Variants in CLIP1 observed in about 807,000 individuals in gnomAD.
CLIP1 encodes CAP-Gly domain containing linker protein 1, also known as CAP-Gly domain-containing linker protein 1.
Under a neutral mutation model 161.6 loss-of-function variants are expected in CLIP1, and 66 were observed. The observed-to-expected ratio is 0.41, with a 90% confidence interval of 0.33 to 0.50. CLIP1 has a LOEUF of 0.50. CLIP1 is among the 20% of genes least tolerant of loss of function. The pLI is 0.27. For synonymous variants in CLIP1, 598 were observed against 626.2 expected, an observed-to-expected ratio of 0.96 and a Z score of 0.67; for missense variants, 1,376 against 1,702.0, an observed-to-expected ratio of 0.81 and a Z score of 3.37.
At chr12:122,406,719 G>T (rs899062859) in intron 1 of CLIP1, among the ~76,000 whole-genome samples, 1 of 152,104 alleles carries the variant, frequency 6.6e-6, no homozygotes, top group Non-Finnish European at 1.5e-5. Flanking sequence ...TGTACCTAGA[G>T]AAGTTTTAAA....
In CLIP1 at chr12:122,311,434, T is replaced by A. The variant is rs1411115091; in HGVS notation, c.3474-1552A>T. On this transcript the variant is annotated intron_variant, in intron 19 of 25. Transcript: ENST00000620786. This position sits in a 1 kb window ranked among gnomAD's most constrained non-coding sequence, Gnocchi z 4.3. ...ACAAAATTATTATTATTATTATTTTTTTTTTTTTGAGACAGAGTCTCGCTC... is the reference window on the plus strand; with the variant it reads ...ACAAAATTATTATTATTATTATTTTATTTTTTTTGAGACAGAGTCTCGCTC... Among the ~76,000 whole-genome samples, 1 of 151,766 alleles carries A rather than the reference T, an allele frequency of 6.6e-6. No homozygotes were observed. Among genetic ancestry groups the A allele is most frequent in the Non-Finnish European group, 1.5e-5 (1 of 67,952 alleles).
At chr12:122,387,565 TATATATATATATATATATATA>T (rs1566209119) in intron 1 of CLIP1, among the ~76,000 whole-genome samples, 13 of 10,822 alleles carry the variant, frequency 1.2e-3, no homozygotes, top group Non-Finnish European at 2.9e-3. Flanking sequence ...TATATATATA[TATATATATATATATATATATA>T]TATATTTTTT....
chr12:122,412,802 A>C (rs1189406240), intron 1 of CLIP1, among the ~76,000 whole-genome samples: 1 of 152,210 alleles, frequency 6.6e-6, no homozygotes, highest in Non-Finnish European at 1.5e-5. Flanking sequence ...TATTTTAAGA[A>C]GAGAACATTA....
chr12:122,310,974 T>A (rs1239462428), intron 19 of CLIP1, among the ~76,000 whole-genome samples: 7 of 152,148 alleles, frequency 4.6e-5, no homozygotes, highest in Non-Finnish European at 1.0e-4. Flanking sequence ...ACACAAAAAT[T>A]CTCTTAGCAC....
chr12:122,373,906 T>C (rs1183117842), intron 3 of CLIP1, among the ~76,000 whole-genome samples: 3 of 152,124 alleles, frequency 2.0e-5, no homozygotes, highest in Admixed American at 1.3e-4. Flanking sequence ...ACAAAAATAA[T>C]GTTCAGCAAA....
chr12:122,344,310 T>A (rs796146739), intron 10 of CLIP1, among the ~76,000 whole-genome samples: 7 of 152,274 alleles, frequency 4.6e-5, no homozygotes, highest in African/African-American at 1.7e-4. Flanking sequence ...TATAGACTCA[T>A]CAGGTTAAAG....
chr12:122,290,317 T>C (rs1167155218), intron 20 of CLIP1, among the ~76,000 whole-genome samples: 1 of 152,192 alleles, frequency 6.6e-6, no homozygotes, highest in Non-Finnish European at 1.5e-5. Flanking sequence ...TTAAGATGTA[T>C]GTTTTTGCTG....
At chr12:122,416,599 T>G (rs1312997669) in intron 1 of CLIP1, among the ~76,000 whole-genome samples, 1 of 151,892 alleles carries the variant, frequency 6.6e-6, no homozygotes, top group African/African-American at 2.4e-5. Context: ...TCTCAAAAAA[T>G]TAATTAAAAA....
In CLIP1 at chr12:122,334,003, T is replaced by C. The variant is rs776217069; in HGVS notation, c.2710+24A>G. ...GGGAAAGCCTACTGTATTTAATGTT[T>C]AGTCACCAGAGATGTCTTCTTACCT... is the stretch of plus-strand genomic sequence containing the variant. On this transcript the variant is annotated intron_variant, in intron 14 of 25. Transcript: ENST00000620786. 9.7e-6 allele frequency: 14 copies of C among 1,448,628 alleles called. No homozygotes were observed. In the South Asian group the frequency reaches 1.5e-4, roughly 15 times the overall value. 89.7% of individuals were successfully genotyped at this position (1,448,628 alleles called of 1,614,324 possible). A position where few individuals can be genotyped will look rare whatever the true frequency, so the allele number is the denominator to read the frequency against.
intron 1 of CLIP1, among the ~76,000 whole-genome samples, chr12:122,394,421 G>A (rs143390003): frequency 3.4e-5 from 5 of 149,128 alleles, no homozygotes; most frequent in Non-Finnish European, 5.9e-5. Context: ...GCCGGGAAGC[G>A]GAGGTTGCAG....
At chr12:122,312,479 G>A (rs1282417056) in intron 19 of CLIP1, among the ~76,000 whole-genome samples, 4 of 152,154 alleles carry the variant, frequency 2.6e-5, no homozygotes, top group African/African-American at 9.7e-5. Flanking sequence ...GAACCCTTGT[G>A]GTGGCTGAGC....
At chr12:122,401,203 G>A (rs892111652) in intron 1 of CLIP1, among the ~76,000 whole-genome samples, 9 of 151,584 alleles carry the variant, frequency 5.9e-5, no homozygotes, top group Non-Finnish European at 1.0e-4. Context: ...GAGCCACCAC[G>A]ACTGGCCTGG....
At chr12:122,347,538 G>A (rs746226062) in intron 9 of CLIP1, 59 bp from the exon 10 acceptor site, 284 of 1,306,738 alleles carry the variant, frequency 2.2e-4, no homozygotes, top group African/African-American at 1.1e-3. Context: ...ATGCCAGCAC[G>A]AGAGGAGAGA....
intron 1 of CLIP1, among the ~76,000 whole-genome samples, chr12:122,385,260 G>C (rs1243426315): frequency 6.6e-6 from 1 of 151,996 alleles, no homozygotes; most frequent in Non-Finnish European, 1.5e-5. Flanking sequence ...TGTTTGAAAA[G>C]TGTCACTAAA....
intron 24 of CLIP1, chr12:122,277,365 T>G (rs1955472618): frequency 1.4e-5 from 2 of 141,392 alleles, no homozygotes; most frequent in South Asian, 2.2e-4. Context: ...TTTTTTTTTT[T>G]GTAGAGATGA....
At position 122,328,387 on chromosome 12, in the gene CLIP1, A is replaced by G. The variant is rs1034048745; in HGVS notation, c.2907T>C (p.Asn969=). The change falls in exon 16 of 26, where the codon AAT becomes AAC. Residue 969 remains asparagine, a synonymous_variant. Coordinates refer to ENST00000620786, the MANE Select transcript of CLIP1 (RefSeq NM_001247997.2). The part of the protein sequence containing the change: ...EELQLKLTKA[N]ENASFLQKSI... ...TTTTTTGCAGAAAACTTGCATTTTC[A>G]TTAGCCTTTGTAAGTTTTAGCTGTA... 1 of 1,611,940 alleles carries G rather than the reference A, an allele frequency of 6.2e-7. No homozygotes were observed. The highest frequency in any genetic ancestry group is 1.3e-5 in the African/African-American group (1 of 74,906).
chr12:122,393,912 C>CAAAA lies in CLIP1; in HGVS notation c.-106-13358_-106-13355dup, dbSNP rs71082981. On this transcript the variant is annotated intron_variant, in intron 1 of 25. Coordinates refer to ENST00000620786, the MANE Select transcript of CLIP1 (RefSeq NM_001247997.2). ...GGGTGACAGAGTGAGATTCTGTCTCCAAAAAAAAAAAAAAAAAAGATTCTA... is the reference window on the plus strand; with the variant it reads ...GGGTGACAGAGTGAGATTCTGTCTCCAAAAAAAAAAAAAAAAAAAAAAGATTCTA... 2.2e-4 allele frequency among the ~76,000 whole-genome samples: 14 copies of CAAAA among 63,196 alleles called. 1 individual carries two copies. The Admixed American group carries it at 2.4e-3, about 11-fold the overall frequency. 41.5% of individuals were successfully genotyped at this position (63,196 alleles called of 152,430 possible). A position where few individuals can be genotyped will look rare whatever the true frequency, so the allele number is the denominator to read the frequency against.
At chr12:122,306,033 TAC>T (rs1488422078) in intron 20 of CLIP1, among the ~76,000 whole-genome samples, 1 of 149,378 alleles carries the variant, frequency 6.7e-6, no homozygotes, top group Non-Finnish European at 1.5e-5. Context: ...CAGCTTGGAC[TAC>T]AGAGTGAGAC....
chr12:122,355,163 C>T lies in CLIP1; in HGVS notation c.1155G>A (p.Val385=), dbSNP rs138064731. 2.2e-5 allele frequency: 35 copies of T among 1,614,126 alleles called. No homozygotes were observed. Among genetic ancestry groups the T allele is most frequent in the African/African-American group, 1.1e-4 (8 of 74,954 alleles). ...GAGCTAGCTCCTGCTCTATCTCCCC[C>T]ACGTGGCTCGTGGCCTTGGCCACCT... is the stretch of plus-strand genomic sequence containing the variant. ...RAEVAKATSH[V]GEIEQELALA... is the part of the protein sequence containing the mutation. The change falls in exon 6 of 26, where the codon GTG becomes GTA. Residue 385 remains valine (V), a synonymous_variant. Transcript: ENST00000620786. This position sits in a 1 kb window ranked among gnomAD's most constrained non-coding sequence, Gnocchi z 4.1.
Sources: gnomAD v4.1 joint callset for allele counts (sites outside exome capture counted in the v4.1 genomes callset) on GRCh38, gnomAD v4.1.1 for gene constraint, Gnocchi (gnomAD v3.1) non-coding constraint, MANE v1.5 for transcripts, NCBI Gene and HGNC (gene_info 2026-07-23, HGNC 2026-07-21) for gene names.